The following PRDM16 variants were observed in gnomAD, a reference collection of about 807,000 sequenced individuals.
PRDM16 encodes the protein histone-lysine N-methyltransferase PRDM16.
PRDM16 carries 23 observed loss-of-function variants against 110.6 expected under a neutral mutation model. That is an observed-to-expected ratio of 0.21 (90% CI 0.15 to 0.29). PRDM16 has a LOEUF of 0.29. Among genes scored for constraint, PRDM16 ranks in the 10% least tolerant of loss-of-function variants. PRDM16 has a pLI of 1.00. For synonymous variants in PRDM16, 799 were observed against 781.8 expected (o/e 1.02, Z -0.37); for missense variants, 1,615 against 1,794.3 (o/e 0.90, Z 1.81).
At chr1:3,193,164 G>A (rs775594966) in intron 2 of PRDM16, among the ~76,000 whole-genome samples, 52 of 152,196 alleles carry the variant, frequency 3.4e-4, no homozygotes, top group Non-Finnish European at 6.5e-4. Flanking sequence ...GGCTTACCAG[G>A]GGGCAGCTTT....
intron 2 of PRDM16, among the ~76,000 whole-genome samples, chr1:3,203,226 T>A (rs1232841635): frequency 6.6e-6 from 1 of 152,200 alleles, no homozygotes; most frequent in Non-Finnish European, 1.5e-5. Flanking sequence ...GGCCAGGGCT[T>A]TGGCGGTCAT....
chr1:3,422,726 A>T (rs1183892698), intron 12 of PRDM16, among the ~76,000 whole-genome samples: 1 of 152,110 alleles, frequency 6.6e-6, no homozygotes, highest in African/African-American at 2.4e-5. Flanking sequence ...CCTGCTGCCG[A>T]AAGGGCTCCA....
chr1:3,215,484 G>A (rs1482109002), intron 2 of PRDM16, among the ~76,000 whole-genome samples: 1 of 113,468 alleles, frequency 8.8e-6, no homozygotes, highest in Non-Finnish European at 1.7e-5. Context: ...GGAGAGAGTG[G>A]TTTGTGTGGG....
chr1:3,353,389 A>G lies in PRDM16; in HGVS notation c.439-31763A>G, dbSNP rs1469068424. Among the ~76,000 whole-genome samples, 2 of 152,154 alleles carry G rather than the reference A, an allele frequency of 1.3e-5. No homozygotes were observed. Among genetic ancestry groups the G allele is most frequent in the African/African-American group, 4.8e-5 (2 of 41,428 alleles). ...GGAGGCCCGGGGTATTTCTTGCCACATCTGAAATTGGACCCGAATGCGCAT... is the reference window on the plus strand; with the variant it reads ...GGAGGCCCGGGGTATTTCTTGCCACGTCTGAAATTGGACCCGAATGCGCAT... On this transcript the variant is annotated intron_variant, in intron 3 of 16. Transcript: ENST00000270722. The surrounding 1 kb of genome is among the most constrained non-coding windows in gnomAD (Gnocchi z 5.4).
chr1:3,198,015 G>A (rs1048853389), intron 2 of PRDM16, among the ~76,000 whole-genome samples: 11 of 152,170 alleles, frequency 7.2e-5, no homozygotes, highest in Non-Finnish European at 1.5e-4. Context: ...AGGGTGCTAC[G>A]GGCCACCTTG....
chr1:3,114,929 C>G lies in PRDM16; in HGVS notation c.37+45633C>G, dbSNP rs144367900. Reference sequence around the variant, plus strand: ...GCCCTCAGGGTGAGGAGAGGCGCCTCCCTGCACACTTGGCCAAGGCCTCCT... The same window carrying G: ...GCCCTCAGGGTGAGGAGAGGCGCCTGCCTGCACACTTGGCCAAGGCCTCCT... On this transcript the variant is annotated intron_variant, in intron 1 of 16. Coordinates refer to ENST00000270722, the MANE Select transcript of PRDM16 (RefSeq NM_022114.4). 1.9e-4 allele frequency among the ~76,000 whole-genome samples: 29 copies of G among 152,388 alleles called. No individual in the cohort carries two copies. In the East Asian group the frequency reaches 4.2e-3, roughly 22 times the overall value.
intron 3 of PRDM16, among the ~76,000 whole-genome samples, chr1:3,321,328 G>A (rs1427079472): frequency 6.6e-6 from 1 of 151,838 alleles, no homozygotes; most frequent in Non-Finnish European, 1.5e-5. Context: ...GTGGGTCCGT[G>A]TGTGTGTGTA....
At chr1:3,165,521 AG>A in intron 1 of PRDM16, among the ~76,000 whole-genome samples, 1 of 114,934 alleles carries the variant, frequency 8.7e-6, no homozygotes, top group African/African-American at 4.1e-5. Context: ...ACCTGGGCTC[AG>A]GGACAGTGAC....
In PRDM16 at chr1:3,243,654, G is replaced by A. The variant is rs1639724559; in HGVS notation, c.388-433G>A. ...CAAGTTACGTCTAAATACACGTGGT[G>A]TGATTCGCCGGCGGAACTTGGAGGA... On this transcript the variant is annotated intron_variant, in intron 2 of 16. Transcript: ENST00000270722. The surrounding 1 kb of genome is among the most constrained non-coding windows in gnomAD (Gnocchi z 5.5). 6.6e-6 allele frequency among the ~76,000 whole-genome samples: 1 copy of A among 152,246 alleles called. No individual in the cohort carries two copies. Among genetic ancestry groups the A allele is most frequent in the African/African-American group, 2.4e-5 (1 of 41,468 alleles).
rs1255908653 is a variant in PRDM16 at position 3,390,618 on chromosome 1, G to C, written c.573+5332G>C. On this transcript the variant is annotated intron_variant, in intron 4 of 16. Transcript: ENST00000270722. This position sits in a 1 kb window ranked among gnomAD's most constrained non-coding sequence, Gnocchi z 5.0. ...GCACCGCGTGGACAAGAGCCCGCGC[G>C]GGTTGTTCATGAGAACCAGGTGTCT... Among the ~76,000 whole-genome samples, 1 of 152,166 alleles carries C rather than the reference G, an allele frequency of 6.6e-6. No homozygotes were observed. The highest frequency in any genetic ancestry group is 2.4e-5 in the African/African-American group (1 of 41,448).
chr1:3,384,502 T>C (rs1175891802), intron 3 of PRDM16, among the ~76,000 whole-genome samples: 1 of 152,032 alleles, frequency 6.6e-6, no homozygotes, highest in Non-Finnish European at 1.5e-5. Flanking sequence ...ATAAGAAAAG[T>C]CCTAGGGGTT....
chr1:3,155,622 C>T (rs1199673024), intron 1 of PRDM16, among the ~76,000 whole-genome samples: 1 of 152,268 alleles, frequency 6.6e-6, no homozygotes, highest in Non-Finnish European at 1.5e-5. Flanking sequence ...CCAGCACGGC[C>T]GCCGGCCTCG....
At chr1:3,234,818 C>T (rs528902189) in intron 2 of PRDM16, among the ~76,000 whole-genome samples, 3 of 152,352 alleles carry the variant, frequency 2.0e-5, no homozygotes, top group African/African-American at 4.8e-5. Flanking sequence ...TGTTCCTGCT[C>T]GGAGGGGCCG....
chr1:3,381,497 G>C (rs1379854926), intron 3 of PRDM16, among the ~76,000 whole-genome samples: 1 of 150,446 alleles, frequency 6.6e-6, no homozygotes, highest in Non-Finnish European at 1.5e-5. Flanking sequence ...CTTCCTCCCA[G>C]GTACAAGCAA....
intron 1 of PRDM16, among the ~76,000 whole-genome samples, chr1:3,125,240 G>A (rs74050118): frequency 0.032 from 4,833 of 152,368 alleles, 246 homozygotes; most frequent in African/African-American, 0.11. Flanking sequence ...GAATCACTCC[G>A]GCTGAGGCTG....
chr1:3,169,641 G>A (rs568505479), intron 1 of PRDM16, among the ~76,000 whole-genome samples: 410 of 152,146 alleles, frequency 2.7e-3, no homozygotes, highest in African/African-American at 8.9e-3. Flanking sequence ...GAAAACAAAC[G>A]ATTAAAGAAA....
At chr1:3,351,301 C>T (rs1642476617) in intron 3 of PRDM16, among the ~76,000 whole-genome samples, 1 of 152,044 alleles carries the variant, frequency 6.6e-6, no homozygotes, top group East Asian at 1.9e-4. Flanking sequence ...TTTTGAAGAC[C>T]CAGGAGAGAC....
intron 1 of PRDM16, among the ~76,000 whole-genome samples, chr1:3,144,552 G>A (rs1184215124): frequency 6.6e-6 from 1 of 152,108 alleles, no homozygotes; most frequent in Non-Finnish European, 1.5e-5. Context: ...TGGGGGAGGG[G>A]GTGGCCATGA....
chr1:3,082,145 T>C (rs1642043676), intron 1 of PRDM16, among the ~76,000 whole-genome samples: 1 of 151,926 alleles, frequency 6.6e-6, no homozygotes, highest in Admixed American at 6.5e-5. Context: ...CACGGGAACT[T>C]GATGGGCAGG....
Sources: gnomAD v4.1 joint callset for allele counts (sites outside exome capture counted in the v4.1 genomes callset) on GRCh38, gnomAD v4.1.1 for gene constraint, Gnocchi (gnomAD v3.1) non-coding constraint, MANE v1.5 for transcripts, NCBI Gene and HGNC (gene_info 2026-07-23, HGNC 2026-07-21) for gene names.